Variants in TBK1 observed in about 807,000 individuals in gnomAD.
The protein encoded by TBK1 is TANK binding kinase 1.
In TBK1, 37 loss-of-function variants were observed where a neutral mutation model predicts 99.9. That is an observed-to-expected ratio of 0.37 (90% CI 0.28 to 0.49). The LOEUF is 0.49. TBK1 is among the 20% of genes least tolerant of loss of function. TBK1 has a pLI of 0.98. For missense variants in TBK1, 644 were observed against 872.5 expected (o/e 0.74, Z 3.30); for synonymous variants, 258 against 279.8 (o/e 0.92, Z 0.78).
At chr12:64,458,447 T>C (rs1199974889) in intron 2 of TBK1, among the ~76,000 whole-genome samples, 3 of 151,542 alleles carry the variant, frequency 2.0e-5, no homozygotes, top group East Asian at 1.9e-4. Context: ...ATGTGTGTGA[T>C]TACCATGGTG....
At chr12:64,493,563 G>T (rs1455254063) in intron 13 of TBK1, among the ~76,000 whole-genome samples, 2 of 151,936 alleles carry the variant, frequency 1.3e-5, no homozygotes, top group Non-Finnish European at 1.5e-5. Flanking sequence ...GGAGATGGAG[G>T]TTGCTGTGAG....
At chr12:64,498,695 C>T (rs1363114344) in intron 20 of TBK1, among the ~76,000 whole-genome samples, 1 of 152,162 alleles carries the variant, frequency 6.6e-6, no homozygotes, top group Non-Finnish European at 1.5e-5. Context: ...GTGGCTCACA[C>T]CTGTAATCCT....
chr12:64,486,243 A>G (rs1375334163), intron 11 of TBK1, among the ~76,000 whole-genome samples: 3 of 152,202 alleles, frequency 2.0e-5, no homozygotes, highest in African/African-American at 7.2e-5. Flanking sequence ...ACACCACGCT[A>G]TAGGATGTGA....
chr12:64,493,909 T>C (rs563116660), intron 13 of TBK1, among the ~76,000 whole-genome samples: 1 of 152,334 alleles, frequency 6.6e-6, no homozygotes, highest in Non-Finnish European at 1.5e-5. Flanking sequence ...ACCATTATAG[T>C]GTAGGCATTT....
intron 6 of TBK1, among the ~76,000 whole-genome samples, chr12:64,476,014 A>C (rs1180395780): frequency 6.6e-6 from 1 of 151,780 alleles, no homozygotes; most frequent in African/African-American, 2.4e-5. Context: ...CCACAACCTC[A>C]CCAGCATCTG....
In TBK1 at chr12:64,474,397, G is replaced by A. The variant is rs750892833; in HGVS notation, c.701+7G>A. On this transcript the variant is annotated splice_region_variant and intron_variant, in intron 6 of 20. Transcript: ENST00000331710. ...GTAGGAATAAAGAAGTGATGTAAGTGGTTTCCCGATCTAAAATCAGAGAAG... is the reference window on the plus strand; with the variant it reads ...GTAGGAATAAAGAAGTGATGTAAGTAGTTTCCCGATCTAAAATCAGAGAAG... 6.3e-7 allele frequency: 1 copy of A among 1,596,606 alleles called. No individual in the cohort carries two copies. The highest frequency in any genetic ancestry group is 1.1e-5 in the South Asian group (1 of 87,386).
At chr12:64,457,688 C>T (rs1287331946) in intron 2 of TBK1, among the ~76,000 whole-genome samples, 2 of 152,098 alleles carry the variant, frequency 1.3e-5, no homozygotes, top group African/African-American at 4.8e-5. Flanking sequence ...CTGGATGAGA[C>T]ATATTGAAAG....
At position 64,498,140 on chromosome 12, in the gene TBK1, G is replaced by A. The variant is rs540875491; in HGVS notation, c.2138+101G>A. The A allele has an allele frequency of 6.1e-6, 6 of 975,804 alleles. No homozygotes were observed. The Admixed American group carries it at 1.1e-4, about 19-fold the overall frequency. 60.4% of individuals were successfully genotyped at this position (975,804 alleles called of 1,614,324 possible). On this transcript the variant is annotated intron_variant, in intron 20 of 20. Coordinates refer to ENST00000331710, the MANE Select transcript of TBK1 (RefSeq NM_013254.4). ...TATCAATAGATTCAGCAGTGGTAAAGGGTCATAAAGTCAGAACTCATGTTT... is the reference window on the plus strand; with the variant it reads ...TATCAATAGATTCAGCAGTGGTAAAAGGTCATAAAGTCAGAACTCATGTTT...
intron 5 of TBK1, among the ~76,000 whole-genome samples, chr12:64,467,721 C>CT (rs2040621196): frequency 6.6e-6 from 1 of 152,072 alleles, no homozygotes; most frequent in African/African-American, 2.4e-5. Flanking sequence ...GAATCAATGA[C>CT]TTTTTTGCAT....
At position 64,495,615 on chromosome 12, in the gene TBK1, G is replaced by C; in HGVS notation, c.1643+11G>C. 6.2e-7 allele frequency: 1 copy of C among 1,613,276 alleles called. No individual in the cohort carries two copies. Among genetic ancestry groups the C allele is most frequent in the Non-Finnish European group, 8.5e-7 (1 of 1,179,780 alleles). Reference sequence around the variant, plus strand: ...TCCGAAAGACAGAAAGTAGGTTATAGCTTTATGCGTAGTTTCTGCTCTTAT... The same window carrying C: ...TCCGAAAGACAGAAAGTAGGTTATACCTTTATGCGTAGTTTCTGCTCTTAT... On this transcript the variant is annotated intron_variant, in intron 14 of 20. Transcript: ENST00000331710.
rs755297424 is a variant in TBK1, at chr12:64,480,046, A to G, written c.736A>G (p.Ile246Val). The G allele has an allele frequency of 8.1e-6, 13 of 1,612,648 alleles. No homozygotes were observed. In the Admixed American group the frequency reaches 1.5e-4, roughly 19 times the overall value. The change falls in exon 7 of 21, where the codon ATA becomes GTA. Residue 246 changes from isoleucine to valine, a missense_variant. Coordinates refer to ENST00000331710, the MANE Select transcript of TBK1 (RefSeq NM_013254.4). Reference sequence around the variant, plus strand: ...AATTACAGGAAAGCCTTCTGGTGCAATATCTGGAGTACAGAAAGCAGAAAA... The same window carrying G: ...AATTACAGGAAAGCCTTCTGGTGCAGTATCTGGAGTACAGAAAGCAGAAAA... ...KIITGKPSGA[I>V]SGVQKAENGP...
chr12:64,494,839 A>G lies in TBK1; in HGVS notation c.1522-644A>G, dbSNP rs377624300. On this transcript the variant is annotated intron_variant, in intron 13 of 20. Transcript: ENST00000331710. ...CTTATTTGTTGCTAGTGGCAATGTC[A>G]GCTACTACTGACAACATTATTTGAA... Among the ~76,000 whole-genome samples the G allele has an allele frequency of 2.6e-5, 4 of 152,358 alleles. No homozygotes were observed. In the East Asian group the frequency reaches 7.7e-4, roughly 29 times the overall value.
At chr12:64,455,328 G>C (rs2040475332) in intron 1 of TBK1, among the ~76,000 whole-genome samples, 1 of 152,146 alleles carries the variant, frequency 6.6e-6, no homozygotes, top group African/African-American at 2.4e-5. Flanking sequence ...TTTTATTATA[G>C]TATGTATAGT....
At position 64,484,401 on chromosome 12, in the gene TBK1, G is replaced by C; in HGVS notation, c.1091G>C (p.Gly364Ala). ...YEGRRLVLEP[G>A]RLAQHFPKTT... Reference sequence around the variant, plus strand: ...GGGCGACGCTTAGTCTTAGAACCTGGAAGGCTGGCACAACATTTCCCTAAA... The same window carrying C: ...GGGCGACGCTTAGTCTTAGAACCTGCAAGGCTGGCACAACATTTCCCTAAA... The change falls in exon 9 of 21, where the codon GGA (glycine) becomes GCA (alanine). Residue 364 changes from glycine (G) to alanine (A), a missense_variant. Gly to Ala is a moderately conservative substitution (Grantham distance 60). This residue lies in a region of TBK1 where 465 missense variants were observed against 588.0 expected (regional missense o/e 0.79). Transcript: ENST00000331710. 1.2e-6 allele frequency: 2 copies of C among 1,614,098 alleles called. No individual in the cohort carries two copies. The highest frequency in any genetic ancestry group is 1.7e-6 in the Non-Finnish European group (2 of 1,180,028).
intron 5 of TBK1, among the ~76,000 whole-genome samples, chr12:64,472,139 G>C (rs1174026359): frequency 6.6e-6 from 1 of 151,412 alleles, no homozygotes; most frequent in African/African-American, 2.4e-5. Flanking sequence ...CATATATCTA[G>C]TAGGCATATG....
chr12:64,466,846 C>A, intron 4 of TBK1, 55 bp from the exon 5 acceptor site: 2 of 1,353,520 alleles, frequency 1.5e-6, no homozygotes, highest in Non-Finnish European at 2.0e-6. Context: ...TTGAGACATG[C>A]ACACATACAC....
rs1163570547 is a variant in TBK1, at chr12:64,487,029, A to G, written c.1340+1012A>G. ...ATTTTTTAAAACTAGATCGCTTAAT[A>G]TAGTTATTCTAGTTCAGAATAACTG... On this transcript the variant is annotated intron_variant, in intron 11 of 20. Transcript: ENST00000331710. 2.6e-5 allele frequency among the ~76,000 whole-genome samples: 4 copies of G among 152,352 alleles called. No homozygotes were observed. In the East Asian group the frequency reaches 5.8e-4, roughly 22 times the overall value.
chr12:64,452,405 G>T (rs1442567589), intron 1 of TBK1: 1 of 152,334 alleles, frequency 6.6e-6, no homozygotes, highest in Non-Finnish European at 1.5e-5. Flanking sequence ...GGTGTGTGTC[G>T]GGTGGCCGTA....
Position 64,495,761 on chromosome 12 carries a change from A to T in TBK1, c.1706A>T (p.Asp569Val). 6.3e-7 allele frequency: 1 copy of T among 1,589,396 alleles called. No homozygotes were observed. The highest frequency in any genetic ancestry group is 2.3e-5 in the East Asian group (1 of 44,416). The change falls in exon 15 of 21, where the codon GAC (aspartate) becomes GTC (valine). Residue 569 changes from aspartate to valine, a missense_variant. Coordinates refer to ENST00000331710, the MANE Select transcript of TBK1 (RefSeq NM_013254.4). ...GAGATTTACTATCAGTTCAAAAAAG[A>T]CAAAGCAGAACGTAGTAAGTAAAAT... The part of the protein sequence containing the change: ...MTEIYYQFKK[D>V]KAERRLAYNE...
Sources: gnomAD v4.1 joint callset for allele counts (sites outside exome capture counted in the v4.1 genomes callset) on GRCh38, gnomAD v4.1.1 for gene constraint, gnomAD v4.1.1 regional missense constraint, MANE v1.5 for transcripts, NCBI Gene and HGNC (gene_info 2026-07-23, HGNC 2026-07-21) for gene names.